DLG2: variants seen among roughly 807,000 people sequenced by gnomAD.
The protein encoded by DLG2 is discs large MAGUK scaffold protein 2, also known as disks large homolog 2.
A neutral mutation model predicts 132.5 loss-of-function variants in DLG2; 45 were observed. The ratio of observed to expected loss-of-function variants is 0.34; its 90% confidence interval spans 0.27 to 0.44. The LOEUF (loss-of-function observed/expected upper bound fraction) is 0.44, where lower values mean the gene tolerates loss of function less well. Among genes scored for constraint, DLG2 ranks in the 20% least tolerant of loss-of-function variants. The pLI is 1.00. For synonymous variants in DLG2, 424 were observed against 419.6 expected, an observed-to-expected ratio of 1.01 and a Z score of -0.13; for missense variants, 1,045 against 1,196.9, an observed-to-expected ratio of 0.87 and a Z score of 1.87.
chr11:83,997,401 T>C (rs1271729891), intron 11 of DLG2, among the ~76,000 whole-genome samples: 1 of 152,050 alleles, frequency 6.6e-6, no homozygotes, highest in African/African-American at 2.4e-5. Context: ...ATAGAAAATG[T>C]AGTCAGCCTT....
In DLG2 at chr11:84,301,651, CAAAAAAAAA is replaced by C. The variant is rs753899806; in HGVS notation, c.520-50369_520-50361del. On this transcript the variant is annotated intron_variant, in intron 7 of 27. Transcript: ENST00000376104. ...TCCAGCCTGGGTGACAGGCGAGACT[CAAAAAAAAA>C]AAAAAAAAAAAAAAAAGTCAAGAAA... Among the ~76,000 whole-genome samples, 4 of 26,606 alleles carry C rather than the reference CAAAAAAAAA, an allele frequency of 1.5e-4. No homozygotes were observed. The South Asian group carries it at 6.4e-3, about 43-fold the overall frequency. 17.5% of individuals were successfully genotyped at this position (26,606 alleles called of 152,430 possible).
chr11:84,523,612 G>A (rs933542320), intron 7 of DLG2, among the ~76,000 whole-genome samples: 3 of 152,168 alleles, frequency 2.0e-5, no homozygotes, highest in East Asian at 1.9e-4. Flanking sequence ...TAGAAGTTAC[G>A]TATCATTTTA....
At chr11:85,243,252 C>G (rs969730256) in intron 4 of DLG2, among the ~76,000 whole-genome samples, 1 of 151,868 alleles carries the variant, frequency 6.6e-6, no homozygotes, top group African/African-American at 2.4e-5. Context: ...GCTAATTTTG[C>G]ATTTCATTAG....
intron 5 of DLG2, chr11:85,132,707 C>T (rs2075820791): frequency 2.2e-6 from 1 of 456,460 alleles, no homozygotes; most frequent in Admixed American, 2.3e-5. Context: ...TGTTTAATTA[C>T]GGGACCAGAA....
Position 83,469,317 on chromosome 11 carries a change from T to C in DLG2, c.2503A>G (p.Ile835Val). Reference protein sequence around the residue: ...EVDGRDYHFVISREQMEKDIQ... With the variant: ...EVDGRDYHFVVSREQMEKDIQ... The stretch of plus-strand genomic sequence containing the variant: ...TCTTTCTCCATTTGTTCTCTGGAAA[T>C]GACAAAGTGATAGTCTCTGCCATCC... Residue 835 changes from isoleucine (I) to valine (V), a missense_variant, in exon 25 of 28, where the codon ATT becomes GTT. Coordinates refer to ENST00000376104, the MANE Select transcript of DLG2 (RefSeq NM_001142699.3). The C allele has an allele frequency of 6.2e-7, 1 of 1,613,848 alleles. No homozygotes were observed. The highest frequency in any genetic ancestry group is 8.5e-7 in the Non-Finnish European group (1 of 1,179,850).
Position 85,306,720 on chromosome 11 carries a change from C to T in DLG2, c.41-21355G>A, listed in dbSNP as rs144556069. On this transcript the variant is annotated intron_variant, in intron 3 of 27. Coordinates refer to ENST00000376104, the MANE Select transcript of DLG2 (RefSeq NM_001142699.3). ...CCTAAGTAGCTGGGACTACCAGCGC[C>T]CACCACCACGCCCGGCTAATTTTTT... 3.7e-3 allele frequency among the ~76,000 whole-genome samples: 570 copies of T among 152,208 alleles called. 3 individuals are homozygous for T. The highest frequency in any genetic ancestry group is 5.1e-3 in the Non-Finnish European group (350 of 68,008).
intron 6 of DLG2, among the ~76,000 whole-genome samples, chr11:85,015,337 C>T (rs1266443350): frequency 1.3e-5 from 2 of 150,468 alleles, no homozygotes; most frequent in Non-Finnish European, 2.9e-5. Flanking sequence ...TCTAGTCCAA[C>T]ATTTTATTCT....
At chr11:83,972,678 G>A (rs1015265199) in intron 12 of DLG2, among the ~76,000 whole-genome samples, 1 of 152,072 alleles carries the variant, frequency 6.6e-6, no homozygotes, top group African/African-American at 2.4e-5. Flanking sequence ...CAAAGGAAAA[G>A]CAATCAAAAT....
chr11:84,876,521 G>C (rs111558949), intron 6 of DLG2, among the ~76,000 whole-genome samples: 9,166 of 152,188 alleles, frequency 0.06, 360 homozygotes, highest in Non-Finnish European at 0.086. Context: ...TGTGGGATCA[G>C]TGGTGATATC....
intron 14 of DLG2, among the ~76,000 whole-genome samples, chr11:83,943,570 C>G (rs115694939): frequency 0.018 from 2,718 of 152,278 alleles, 87 homozygotes; most frequent in African/African-American, 0.061. Flanking sequence ...TTAAATTTGT[C>G]AATCTCAAAT....
intron 3 of DLG2, among the ~76,000 whole-genome samples, chr11:85,363,870 ATTATAGT>A (rs2152904521): frequency 6.6e-6 from 1 of 152,334 alleles, no homozygotes; most frequent in African/African-American, 2.4e-5. Flanking sequence ...ATGCAGGGAA[ATTATAGT>A]TTGTATATTA....
intron 6 of DLG2, among the ~76,000 whole-genome samples, chr11:84,841,571 C>A (rs1042329766): frequency 5.3e-5 from 8 of 151,902 alleles, no homozygotes; most frequent in African/African-American, 1.7e-4. Context: ...GTAGCTAGAA[C>A]AGTACCTGGT....
chr11:83,742,084 C>T (rs2092561679), intron 18 of DLG2, among the ~76,000 whole-genome samples: 1 of 152,122 alleles, frequency 6.6e-6, no homozygotes, highest in African/African-American at 2.4e-5. Flanking sequence ...CCCAGTGCTT[C>T]AGACCAGCTA....
intron 17 of DLG2, among the ~76,000 whole-genome samples, chr11:83,825,893 G>T (rs1230366732): frequency 6.6e-6 from 1 of 152,120 alleles, no homozygotes; most frequent in East Asian, 1.9e-4. Flanking sequence ...TGGGTGCCAG[G>T]GTTATGCCAA....
chr11:84,506,093 T>TTTTTTTTTTTTTTTTTTTA (rs1340448656), intron 7 of DLG2, among the ~76,000 whole-genome samples: 3 of 144,044 alleles, frequency 2.1e-5, no homozygotes, highest in African/African-American at 8.3e-5. Flanking sequence ...TTTTTTTTTT[T>TTTTTTTTTTTTTTTTTTTA]GAGACGGAGT....
At chr11:85,124,412 C>T (rs1300264736) in intron 5 of DLG2, among the ~76,000 whole-genome samples, 1 of 151,770 alleles carries the variant, frequency 6.6e-6, no homozygotes, top group Non-Finnish European at 1.5e-5. Context: ...CTCATCCTTT[C>T]CATGTATAGA....
intron 6 of DLG2, among the ~76,000 whole-genome samples, chr11:84,894,640 G>C (rs1289404742): frequency 6.6e-6 from 1 of 152,152 alleles, no homozygotes; most frequent in East Asian, 1.9e-4. Flanking sequence ...GGAATTCTTT[G>C]AAGAGTAAGT....
intron 21 of DLG2, chr11:83,486,320 T>TTAAC (rs2137725720): frequency 4.7e-6 from 3 of 632,790 alleles, no homozygotes; most frequent in East Asian, 2.8e-5. Context: ...TGTTAGACAT[T>TTAAC]TAACTTCAAC....
chr11:83,676,252 G>A (rs1456845277), intron 18 of DLG2, among the ~76,000 whole-genome samples: 1 of 152,180 alleles, frequency 6.6e-6, no homozygotes, highest in East Asian at 1.9e-4. Flanking sequence ...GGAGTCACTG[G>A]CAACTGTCCT....
Sources: gnomAD v4.1 joint callset for allele counts (sites outside exome capture counted in the v4.1 genomes callset) on GRCh38, gnomAD v4.1.1 for gene constraint, MANE v1.5 for transcripts, NCBI Gene and HGNC (gene_info 2026-07-23, HGNC 2026-07-21) for gene names.